The following FOCAD variants were observed in gnomAD, a reference collection of about 807,000 sequenced individuals.
FOCAD encodes KIAA1797.
FOCAD carries 198 observed loss-of-function variants against 225.6 expected under a neutral mutation model. The observed-to-expected ratio is 0.88, with a 90% CI of 0.78 to 0.99. The LOEUF (loss-of-function observed/expected upper bound fraction) is 0.99, where lower values mean the gene tolerates loss of function less well. FOCAD is among the 50% of genes least tolerant of loss of function. The pLI, the probability that FOCAD is intolerant of heterozygous loss-of-function variation, is 0.00. For synonymous variants in FOCAD, 897 were observed against 755.0 expected (o/e 1.19, Z -3.08); for missense variants, 2,713 against 2,123.6 (o/e 1.28, Z -5.46).
intron 11 of FOCAD, among the ~76,000 whole-genome samples, chr9:20,810,942 T>A (rs1023261204): frequency 2.0e-5 from 3 of 152,110 alleles, no homozygotes; most frequent in Non-Finnish European, 4.4e-5. Context: ...ATACCTCAGA[T>A]TCTGATGATG....
chr9:20,862,193 C>G (rs1432242183), intron 15 of FOCAD, among the ~76,000 whole-genome samples: 1 of 151,770 alleles, frequency 6.6e-6, no homozygotes, highest in Admixed American at 6.6e-5. Context: ...ATGTGGATAC[C>G]TGGCTTTAGA....
chr9:20,752,657 C>A (rs1361606900), intron 5 of FOCAD, among the ~76,000 whole-genome samples: 1 of 151,980 alleles, frequency 6.6e-6, no homozygotes, highest in East Asian at 1.9e-4. Context: ...ATTTTGGTTC[C>A]ATATGAACTT....
chr9:20,993,176 TAG>T, intron 42 of FOCAD, 75 bp from the exon 43 acceptor site: 1 of 1,218,340 alleles, frequency 8.2e-7, no homozygotes, highest in South Asian at 1.2e-5. Context: ...CTCATATATA[TAG>T]GTCCAAGGGA....
Position 20,758,147 on chromosome 9 carries a change from G to A in FOCAD, c.450G>A (p.Val150=). The change falls in exon 6 of 44, where the codon GTG becomes GTA. Residue 150 remains valine (V), a synonymous_variant. Coordinates refer to ENST00000338382, the MANE Select transcript of FOCAD (RefSeq NM_001375567.1). ...VLEHRPDCWP[V]FLQQLTAFFQ... is the part of the protein sequence containing the mutation. ...AACACAGACCTGATTGCTGGCCAGT[G>A]TTTTTGCAGCAGCTGACAGCGTTTT... 6.2e-7 allele frequency: 1 copy of A among 1,612,462 alleles called. No individual in the cohort carries two copies. Among genetic ancestry groups the A allele is most frequent in the South Asian group, 1.1e-5 (1 of 90,870 alleles).
intron 1 of FOCAD, chr9:20,658,519 C>G (rs12336224): frequency 6.4e-6 from 1 of 155,574 alleles, no homozygotes; most frequent in Non-Finnish European, 1.4e-5. Flanking sequence ...GCGCAGTATT[C>G]GGGTGGGAGT....
rs1837657316 is a variant in FOCAD, at chr9:20,951,213, ATC to A, written c.4051+119_4051+120del. ...ACAACCCTAAGTAATGGGTATTACCATCTCTGTTTTACGTCAGAGGGAAATGG... is the reference window on the plus strand; with the variant it reads ...ACAACCCTAAGTAATGGGTATTACCATCTGTTTTACGTCAGAGGGAAATGG... On this transcript the variant is annotated intron_variant, in intron 34 of 43. Transcript: ENST00000338382. The A allele has an allele frequency of 3.9e-6, 3 of 762,402 alleles. No individual in the cohort carries two copies. The South Asian group carries it at 5.1e-5, about 13-fold the overall frequency. 47.2% of individuals were successfully genotyped at this position (762,402 alleles called of 1,614,324 possible).
intron 24 of FOCAD, among the ~76,000 whole-genome samples, chr9:20,917,734 T>A (rs1204325871): frequency 6.6e-6 from 1 of 152,182 alleles, no homozygotes; most frequent in Non-Finnish European, 1.5e-5. Context: ...TTTTTAATTG[T>A]AGTATAGTTT....
At chr9:20,741,288 A>AG in intron 5 of FOCAD, among the ~76,000 whole-genome samples, 1 of 152,120 alleles carries the variant, frequency 6.6e-6, no homozygotes, top group East Asian at 1.9e-4. Context: ...CAAAATACAG[A>AG]GGGGTGTCTA....
In FOCAD at chr9:20,802,860, A is replaced by G. The variant is rs149249379; in HGVS notation, c.1455+13252A>G. 3.3e-3 allele frequency among the ~76,000 whole-genome samples: 497 copies of G among 152,292 alleles called. 3 individuals are homozygous for G. Among genetic ancestry groups the G allele is most frequent in the South Asian group, 0.014 (66 of 4,820 alleles). On this transcript the variant is annotated intron_variant, in intron 11 of 43. Coordinates refer to ENST00000338382, the MANE Select transcript of FOCAD (RefSeq NM_001375567.1). Reference sequence around the variant, plus strand: ...TAGCACAATGAATGTGGTGATTTCAAATGGTCGAATTATCTGTTCATTAAC... The same window carrying G: ...TAGCACAATGAATGTGGTGATTTCAGATGGTCGAATTATCTGTTCATTAAC...
chr9:20,940,643 C>G (rs897584859), intron 28 of FOCAD, among the ~76,000 whole-genome samples: 1 of 152,186 alleles, frequency 6.6e-6, no homozygotes, highest in African/African-American at 2.4e-5. Context: ...GCATACTGAG[C>G]TAGGCATTTT....
At chr9:20,718,896 A>T (rs192468461) in intron 3 of FOCAD, among the ~76,000 whole-genome samples, 1 of 152,326 alleles carries the variant, frequency 6.6e-6, no homozygotes, top group East Asian at 1.9e-4. Flanking sequence ...GATGACATTT[A>T]GAACCTTTTG....
intron 9 of FOCAD, among the ~76,000 whole-genome samples, chr9:20,779,505 G>T (rs1178338637): frequency 6.6e-6 from 1 of 152,174 alleles, no homozygotes; most frequent in Non-Finnish European, 1.5e-5. Context: ...CCAACGCTTT[G>T]GGAGGCCGAA....
chr9:20,915,273 A>T (rs1299253470), intron 23 of FOCAD, among the ~76,000 whole-genome samples: 1 of 152,194 alleles, frequency 6.6e-6, no homozygotes, highest in Non-Finnish European at 1.5e-5. Context: ...TAGGGAGTGA[A>T]TAAAGAAAGA....
At chr9:20,903,372 A>T (rs899991820) in intron 21 of FOCAD, among the ~76,000 whole-genome samples, 2 of 151,884 alleles carry the variant, frequency 1.3e-5, no homozygotes, top group Admixed American at 1.3e-4. Flanking sequence ...AGCTGCCTTT[A>T]TCTCTTTCCT....
intron 1 of FOCAD, among the ~76,000 whole-genome samples, chr9:20,707,523 T>C (rs1824490049): frequency 6.6e-6 from 1 of 152,140 alleles, no homozygotes; most frequent in Non-Finnish European, 1.5e-5. Context: ...TTATAAACAG[T>C]TGATTCGTAC....
At chr9:20,955,192 T>C (rs1564200267) in intron 35 of FOCAD, among the ~76,000 whole-genome samples, 1 of 152,192 alleles carries the variant, frequency 6.6e-6, no homozygotes, top group East Asian at 1.9e-4. Context: ...GGTTTCATTG[T>C]CTCTGCTTGC....
intron 19 of FOCAD, among the ~76,000 whole-genome samples, chr9:20,881,650 A>G (rs1178710884): frequency 2.0e-5 from 3 of 152,128 alleles, no homozygotes; most frequent in Non-Finnish European, 4.4e-5. Context: ...GATTACATGT[A>G]ATAAGTGAGG....
intron 14 of FOCAD, 52 bp downstream of exon 14, chr9:20,821,123 T>A: frequency 6.6e-7 from 1 of 1,510,734 alleles, no homozygotes; most frequent in Non-Finnish European, 8.9e-7. Context: ...TTATTTTGTA[T>A]TTAATTTTTT....
chr9:20,723,596 T>A (rs981512964), intron 4 of FOCAD, among the ~76,000 whole-genome samples: 3 of 152,236 alleles, frequency 2.0e-5, no homozygotes, highest in Admixed American at 2.0e-4. Context: ...TTATCCCCCC[T>A]GTGGAAGACA....
Sources: allele counts gnomAD v4.1 joint callset (sites outside exome capture counted in the v4.1 genomes callset), GRCh38; gene constraint gnomAD v4.1.1; transcripts MANE v1.5; gene names NCBI Gene and HGNC (gene_info 2026-07-23, HGNC 2026-07-21).